MBD5: variants seen among roughly 807,000 people sequenced by gnomAD.
MBD5 encodes the protein methyl-CpG-binding domain protein 5.
Under a neutral mutation model 117.3 loss-of-function variants are expected in MBD5, and 13 were observed. That is an observed-to-expected ratio of 0.11 (90% CI 0.07 to 0.18). The LOEUF (loss-of-function observed/expected upper bound fraction) is 0.18, where lower values mean the gene tolerates loss of function less well. MBD5 is among the 10% of genes least tolerant of loss of function. The probability of loss-of-function intolerance (pLI) is 1.00; values close to 1 mark genes in which losing one functional copy is unlikely to be tolerated. For synonymous variants in MBD5, 727 were observed against 766.4 expected (o/e 0.95, Z 0.85); for missense variants, 1,879 against 2,093.8 (o/e 0.90, Z 2.00).
chr2:148,171,582 C>A (rs1043273200), intron 1 of MBD5, among the ~76,000 whole-genome samples: 25 of 152,150 alleles, frequency 1.6e-4, no homozygotes, highest in Admixed American at 1.4e-3. Flanking sequence ...CCACTGTTAC[C>A]TCTCTTTCTC....
chr2:148,384,618 G>C (rs1317682630), intron 4 of MBD5, among the ~76,000 whole-genome samples: 1 of 152,072 alleles, frequency 6.6e-6, no homozygotes, highest in Non-Finnish European at 1.5e-5. Flanking sequence ...CTACTTGAAA[G>C]TTCATATGGA....
intron 1 of MBD5, among the ~76,000 whole-genome samples, chr2:148,107,024 T>G (rs1696389412): frequency 6.6e-6 from 1 of 152,066 alleles, no homozygotes; most frequent in Non-Finnish European, 1.5e-5. Flanking sequence ...CAACTTATCC[T>G]ACTTACTCTA....
At chr2:148,023,784 T>C (rs545910633) in intron 1 of MBD5, among the ~76,000 whole-genome samples, 2 of 152,148 alleles carry the variant, frequency 1.3e-5, no homozygotes, top group South Asian at 2.1e-4. Context: ...TTTTTAAACA[T>C]TTTTTTATCA....
In MBD5 at chr2:148,483,269, G is replaced by A. The variant is rs753761893; in HGVS notation, c.2678G>A (p.Gly893Asp). The change falls in exon 9 of 14, where the codon GGC becomes GAC. Residue 893 changes from glycine to aspartate, a missense_variant. By Grantham distance (94) the Gly-to-Asp change is moderately conservative. Transcript: ENST00000642680. ...ATTGGGAGTGATTTTCCTTTTGTTGGCCAGGAGCACGCACTTCATTTTCCA... is the reference window on the plus strand; with the variant it reads ...ATTGGGAGTGATTTTCCTTTTGTTGACCAGGAGCACGCACTTCATTTTCCA... ...LPIGSDFPFV[G>D]QEHALHFPSN... 6 of 1,613,762 alleles carry A rather than the reference G, an allele frequency of 3.7e-6. No individual in the cohort carries two copies. The highest frequency in any genetic ancestry group is 5.1e-6 in the Non-Finnish European group (6 of 1,179,958).
rs546731767 is a variant in MBD5 at position 148,441,497 on chromosome 2, G to T, written c.-556-16706G>T. On this transcript the variant is annotated intron_variant, in intron 4 of 13. Coordinates refer to ENST00000642680, the MANE Select transcript of MBD5 (RefSeq NM_001378120.1). Reference sequence around the variant, plus strand: ...ATATGTGCCACATTTTCTTAATCCAGTCTATCATTGTTGGACATTTGGGTT... The same window carrying T: ...ATATGTGCCACATTTTCTTAATCCATTCTATCATTGTTGGACATTTGGGTT... Among the ~76,000 whole-genome samples, 444 of 152,194 alleles carry T rather than the reference G, an allele frequency of 2.9e-3. 2 individuals carry two copies. Among genetic ancestry groups the T allele is most frequent in the African/African-American group, 0.01 (427 of 41,524 alleles).
chr2:148,277,964 C>T (rs1701154313), intron 3 of MBD5, among the ~76,000 whole-genome samples: 1 of 152,122 alleles, frequency 6.6e-6, no homozygotes. Context: ...GGCTTGTGTA[C>T]ACATTCATTG....
At chr2:148,140,377 G>C (rs1171260125) in intron 1 of MBD5, among the ~76,000 whole-genome samples, 1 of 152,038 alleles carries the variant, frequency 6.6e-6, no homozygotes, top group Admixed American at 6.5e-5. Context: ...GACAAAAGCA[G>C]ATAAAAAAAT....
rs192454133 is a variant in MBD5 at position 148,115,084 on chromosome 2, G to A, written c.-924-63616G>A. Among the ~76,000 whole-genome samples the A allele has an allele frequency of 8.6e-5, 13 of 151,908 alleles. No individual in the cohort carries two copies. In the East Asian group the frequency reaches 1.2e-3, roughly 14 times the overall value. On this transcript the variant is annotated intron_variant, in intron 1 of 13. Transcript: ENST00000642680. ...ATGAAAGTGGGATCATACTCTAATC[G>A]TTCTGTACAAGTTGCTTTTTAAATA...
intron 2 of MBD5, among the ~76,000 whole-genome samples, chr2:148,183,465 T>G (rs528133809): frequency 5.3e-5 from 8 of 152,228 alleles, no homozygotes; most frequent in Admixed American, 5.2e-4. Flanking sequence ...ATTTTCAATA[T>G]TTAAGTTTTT....
chr2:148,277,435 G>C (rs1197041990), intron 3 of MBD5, among the ~76,000 whole-genome samples: 1 of 152,056 alleles, frequency 6.6e-6, no homozygotes, highest in Admixed American at 6.6e-5. Flanking sequence ...ATAAATATAT[G>C]TATAAATTGT....
At position 148,021,498 on chromosome 2, in the gene MBD5, A is replaced by ACTGCTGCTG. The variant is rs1362951810; in HGVS notation, c.-1105_-1097dup. Reference sequence around the variant, plus strand: ...TGCTGCTGTTGCTGCTGCTGCTGCTACTGCTGCTGCTGCTACTGCTGCTGC... The same window carrying ACTGCTGCTG: ...TGCTGCTGTTGCTGCTGCTGCTGCTACTGCTGCTGCTGCTGCTGCTGCTACTGCTGCTGC... On this transcript the variant is annotated 5_prime_UTR_variant, in exon 1 of 14. Transcript: ENST00000642680. The ACTGCTGCTG allele has an allele frequency of 1.4e-5, 8 of 570,386 alleles. 1 individual carries two copies. Among genetic ancestry groups the ACTGCTGCTG allele is most frequent in the East Asian group, 1.4e-4 (3 of 21,776 alleles). The allele number at this position is 570,386 out of a possible 1,614,324, so 35.3% of individuals were successfully genotyped here.
At chr2:148,312,500 C>A (rs891055208) in intron 3 of MBD5, among the ~76,000 whole-genome samples, 4 of 152,148 alleles carry the variant, frequency 2.6e-5, no homozygotes, top group African/African-American at 9.7e-5. Context: ...TCAGCTCCAT[C>A]AGGTCATTAG....
intron 2 of MBD5, among the ~76,000 whole-genome samples, chr2:148,187,342 C>G (rs1698689424): frequency 6.6e-6 from 1 of 151,608 alleles, no homozygotes; most frequent in East Asian, 1.9e-4. Flanking sequence ...CCTAAGTGTC[C>G]TGATACTATG....
At chr2:148,494,422 A>G (rs1221451614) in intron 11 of MBD5, among the ~76,000 whole-genome samples, 1 of 152,236 alleles carries the variant, frequency 6.6e-6, no homozygotes, top group Non-Finnish European at 1.5e-5. Context: ...GTTTCTAAAA[A>G]AAAACAACTC....
At chr2:148,400,409 A>C (rs1361218425) in intron 4 of MBD5, among the ~76,000 whole-genome samples, 1 of 151,950 alleles carries the variant, frequency 6.6e-6, no homozygotes, top group Non-Finnish European at 1.5e-5. Context: ...TCCAACTCTA[A>C]CTCTATTGCC....
intron 3 of MBD5, among the ~76,000 whole-genome samples, chr2:148,284,960 G>A (rs1000766399): frequency 2.0e-5 from 3 of 152,156 alleles, no homozygotes; most frequent in South Asian, 2.1e-4. Flanking sequence ...CACAGCCTTG[G>A]CAAATGATAG....
chr2:148,241,514 A>G (rs1057131113), intron 3 of MBD5, among the ~76,000 whole-genome samples: 1 of 152,090 alleles, frequency 6.6e-6, no homozygotes, highest in Non-Finnish European at 1.5e-5. Context: ...AGTCTTCCCC[A>G]TGCATGTACA....
intron 1 of MBD5, among the ~76,000 whole-genome samples, chr2:148,149,433 A>C (rs1380586675): frequency 1.4e-5 from 2 of 144,938 alleles, no homozygotes; most frequent in African/African-American, 5.2e-5. Flanking sequence ...AGCATGATTT[A>C]TAGTCCTTTG....
intron 1 of MBD5, among the ~76,000 whole-genome samples, chr2:148,101,506 T>C (rs1179296020): frequency 6.6e-6 from 1 of 152,072 alleles, no homozygotes; most frequent in African/African-American, 2.4e-5. Flanking sequence ...ATCAAAAATA[T>C]TTTTAATTAA....
Sources: gnomAD v4.1 joint callset for allele counts (sites outside exome capture counted in the v4.1 genomes callset) on GRCh38, gnomAD v4.1.1 for gene constraint, MANE v1.5 for transcripts, NCBI Gene and HGNC (gene_info 2026-07-23, HGNC 2026-07-21) for gene names.